NRG1: variants seen among roughly 807,000 people sequenced by gnomAD.
The protein encoded by NRG1 is neuregulin 1, also known as pro-neuregulin-1, membrane-bound isoform.
NRG1 carries 18 observed loss-of-function variants against 63.8 expected under a neutral mutation model. The ratio of observed to expected loss-of-function variants is 0.28; its 90% CI spans 0.19 to 0.42. The LOEUF (loss-of-function observed/expected upper bound fraction) is 0.42, where lower values mean the gene tolerates loss of function less well. Ranked by LOEUF, NRG1 falls within the 10% of genes least tolerant of loss-of-function variation. NRG1 has a pLI of 1.00. For synonymous variants in NRG1, 302 were observed against 301.3 expected (o/e 1.00, Z -0.02); for missense variants, 762 against 814.7 (o/e 0.94, Z 0.79).
At chr8:32,346,027 G>A (rs1778668509) in intron 1 of NRG1, among the ~76,000 whole-genome samples, 1 of 146,858 alleles carries the variant, frequency 6.8e-6, no homozygotes, top group African/African-American at 2.5e-5. Flanking sequence ...AACAATAAAT[G>A]TATATATAGA....
Position 32,760,181 on chromosome 8 carries a change from T to G in NRG1, c.1053-19T>G, listed in dbSNP as rs1830436887. On this transcript the variant is annotated intron_variant, in intron 10 of 11. Transcript: ENST00000356819. ...TTTTTGCACGAAATATCTGATTGTC[T>G]CTCCCATTTCCTCCGCAGCTGGAGC... The G allele has an allele frequency of 6.2e-7, 1 of 1,613,298 alleles. No homozygotes were observed. The highest frequency in any genetic ancestry group is 1.3e-5 in the African/African-American group (1 of 74,900).
At chr8:31,876,796 C>T (rs1829960544) in intron 1 of NRG1, among the ~76,000 whole-genome samples, 1 of 152,132 alleles carries the variant, frequency 6.6e-6, no homozygotes, top group African/African-American at 2.4e-5. Context: ...CTAAATGATT[C>T]TTGTAGAACC....
downstream of NRG1, among the ~76,000 whole-genome samples, chr8:32,768,551 A>T (rs1347187539): frequency 6.6e-6 from 1 of 152,226 alleles, no homozygotes; most frequent in African/African-American, 2.4e-5. Flanking sequence ...TCAATAAAAC[A>T]AATCAAACTC....
intron 1 of NRG1, among the ~76,000 whole-genome samples, chr8:31,691,487 C>CA (rs1809505300): frequency 6.8e-6 from 1 of 147,250 alleles, no homozygotes; most frequent in African/African-American, 2.5e-5. Context: ...CCCAGCTACT[C>CA]GGGAGGCTGA....
chr8:32,068,872 A>G (rs1369392907), intron 1 of NRG1, among the ~76,000 whole-genome samples: 1 of 152,230 alleles, frequency 6.6e-6, no homozygotes, highest in Non-Finnish European at 1.5e-5. Flanking sequence ...ATGATGTAGT[A>G]GAGAATCTAG....
At chr8:32,436,499 G>A (rs780068131) in intron 1 of NRG1, among the ~76,000 whole-genome samples, 1 of 152,136 alleles carries the variant, frequency 6.6e-6, no homozygotes, top group Non-Finnish European at 1.5e-5. Flanking sequence ...GTAACCTTTT[G>A]ATTTCTCCAA....
chr8:31,743,199 C>T (rs1438172241), intron 1 of NRG1, among the ~76,000 whole-genome samples: 2 of 151,892 alleles, frequency 1.3e-5, no homozygotes, highest in Non-Finnish European at 2.9e-5. Context: ...CACATCTTCC[C>T]CTCTCTCCAG....
chr8:31,903,738 T>C (rs931859176), intron 1 of NRG1, among the ~76,000 whole-genome samples: 1 of 152,060 alleles, frequency 6.6e-6, no homozygotes, highest in Admixed American at 6.6e-5. Context: ...GCAGATCACT[T>C]GAGGTCAGGA....
intron 1 of NRG1, among the ~76,000 whole-genome samples, chr8:32,001,178 C>T (rs1188164458): frequency 6.6e-6 from 1 of 151,928 alleles, no homozygotes; most frequent in African/African-American, 2.4e-5. Flanking sequence ...TATTATTTGG[C>T]TCTGTGTCCC....
intron 1 of NRG1, among the ~76,000 whole-genome samples, chr8:31,955,785 C>T (rs1804261659): frequency 6.6e-6 from 1 of 151,922 alleles, no homozygotes; most frequent in South Asian, 2.1e-4. Flanking sequence ...TGGCTGTAAT[C>T]CCAGCACTTT....
chr8:31,879,335 G>A (rs1304603805), intron 1 of NRG1, among the ~76,000 whole-genome samples: 4 of 152,170 alleles, frequency 2.6e-5, no homozygotes, highest in Admixed American at 2.0e-4. Context: ...TTACTAGAAT[G>A]TAATCTGTTT....
intron 1 of NRG1, among the ~76,000 whole-genome samples, chr8:32,446,204 G>A (rs1820223120): frequency 6.6e-6 from 1 of 152,152 alleles, no homozygotes; most frequent in Non-Finnish European, 1.5e-5. Context: ...TCATTCAACT[G>A]CAGCTTTGTG....
chr8:32,550,386 C>T (rs551804980), intron 1 of NRG1, among the ~76,000 whole-genome samples: 3 of 152,222 alleles, frequency 2.0e-5, no homozygotes, highest in African/African-American at 2.4e-5. Context: ...TAGTACATTA[C>T]GGAGATTTCA....
intron 1 of NRG1, among the ~76,000 whole-genome samples, chr8:32,350,223 G>A (rs1805427604): frequency 6.6e-6 from 1 of 152,168 alleles, no homozygotes; most frequent in Non-Finnish European, 1.5e-5. Flanking sequence ...ATAATAAATT[G>A]TAAGAAAGCA....
chr8:32,081,094 T>C (rs1392667930), intron 1 of NRG1, among the ~76,000 whole-genome samples: 4 of 152,124 alleles, frequency 2.6e-5, no homozygotes, highest in African/African-American at 9.7e-5. Context: ...GTAAATCTTG[T>C]CTGAAAACAC....
chr8:31,982,619 G>A (rs1016446668), intron 1 of NRG1, among the ~76,000 whole-genome samples: 1 of 152,010 alleles, frequency 6.6e-6, no homozygotes, highest in Non-Finnish European at 1.5e-5. Flanking sequence ...GCAGGTAGGG[G>A]CCAAATTATG....
intron 1 of NRG1, among the ~76,000 whole-genome samples, chr8:31,912,532 A>G (rs1334461524): frequency 6.9e-6 from 1 of 144,270 alleles, no homozygotes; most frequent in South Asian, 2.3e-4. Flanking sequence ...ATGCAGCAGG[A>G]TGACTCAGAA....
intron 1 of NRG1, among the ~76,000 whole-genome samples, chr8:31,773,128 A>G (rs1405725373): frequency 6.6e-6 from 1 of 152,202 alleles, no homozygotes; most frequent in Admixed American, 6.5e-5. Context: ...CTATTTTTAT[A>G]GCAAGACAAA....
chr8:31,812,814 A>C (rs1351085669), intron 1 of NRG1, among the ~76,000 whole-genome samples: 1 of 152,214 alleles, frequency 6.6e-6, no homozygotes, highest in Non-Finnish European at 1.5e-5. Context: ...GCAGATATCA[A>C]GAGAGCAAAA....
Sources: allele counts gnomAD v4.1 joint callset (sites outside exome capture counted in the v4.1 genomes callset), GRCh38; gene constraint gnomAD v4.1.1; transcripts MANE v1.5; gene names NCBI Gene and HGNC (gene_info 2026-07-23, HGNC 2026-07-21).